Variants in ARL6IP6 observed in about 807,000 individuals in gnomAD.
ARL6IP6 encodes the protein ADP-ribosylation factor-like protein 6-interacting protein 6.
In ARL6IP6, 22 loss-of-function variants were observed where a neutral mutation model predicts 21.5. The observed-to-expected ratio is 1.02, with a 90% CI of 0.73 to 1.46. ARL6IP6 has a LOEUF of 1.46. Ranked by LOEUF, ARL6IP6 falls within the 40% of genes most tolerant of loss-of-function variation. ARL6IP6 has a pLI of 0.00. For missense variants in ARL6IP6, 388 were observed against 299.8 expected (o/e 1.29, Z -2.17); for synonymous variants, 164 against 125.3 (o/e 1.31, Z -2.06).
chr2:152,731,319 CT>C (rs1345072552), intron 2 of ARL6IP6, among the ~76,000 whole-genome samples: 1 of 152,180 alleles, frequency 6.6e-6, no homozygotes, highest in Non-Finnish European at 1.5e-5. Flanking sequence ...TGAGTCTGTA[CT>C]TTAACAGTTT....
At chr2:152,750,390 C>T (rs963335071) in intron 3 of ARL6IP6, among the ~76,000 whole-genome samples, 5 of 150,604 alleles carry the variant, frequency 3.3e-5, no homozygotes, top group South Asian at 4.2e-4. Context: ...GCATGAGAAT[C>T]GTTTGAACCT....
intron 2 of ARL6IP6, among the ~76,000 whole-genome samples, chr2:152,731,792 T>A (rs186008249): frequency 0.011 from 1,700 of 152,298 alleles, 29 homozygotes; most frequent in African/African-American, 0.039. Context: ...AGAAATTTTT[T>A]AAAATATCTA....
chr2:152,740,474 G>A (rs1000583262), intron 3 of ARL6IP6, among the ~76,000 whole-genome samples: 1 of 150,538 alleles, frequency 6.6e-6, no homozygotes, highest in Admixed American at 6.6e-5. Context: ...ATCTAAAAAT[G>A]GTTTTGAAAT....
rs543739494 is a variant in ARL6IP6, at chr2:152,756,954, G to A, written c.588-2793G>A. On this transcript the variant is annotated intron_variant, in intron 3 of 3. Coordinates refer to ENST00000326446, the MANE Select transcript of ARL6IP6 (RefSeq NM_152522.7). Reference sequence around the variant, plus strand: ...TAAGTGCAGATTCCCACCACCCACCGAAGACGTGTTCATAGTACCTGTATG... The same window carrying A: ...TAAGTGCAGATTCCCACCACCCACCAAAGACGTGTTCATAGTACCTGTATG... Among the ~76,000 whole-genome samples, 10 of 152,146 alleles carry A rather than the reference G, an allele frequency of 6.6e-5. No individual in the cohort carries two copies. The South Asian group carries it at 1.5e-3, about 22-fold the overall frequency.
At chr2:152,741,982 A>AT (rs1441225687) in intron 3 of ARL6IP6, among the ~76,000 whole-genome samples, 2 of 152,280 alleles carry the variant, frequency 1.3e-5, no homozygotes, top group East Asian at 1.9e-4. Flanking sequence ...GTAAGTTTAG[A>AT]TTTTTTGGAA....
At chr2:152,736,864 T>C (rs1245691298) in intron 3 of ARL6IP6, among the ~76,000 whole-genome samples, 1 of 152,220 alleles carries the variant, frequency 6.6e-6, no homozygotes, top group Non-Finnish European at 1.5e-5. Context: ...AGGATGTGCA[T>C]ACGTTATAGG....
At chr2:152,738,653 C>CA (rs1240169508) in intron 3 of ARL6IP6, among the ~76,000 whole-genome samples, 3 of 152,166 alleles carry the variant, frequency 2.0e-5, no homozygotes, top group African/African-American at 7.2e-5. Flanking sequence ...ACGCCTGGGA[C>CA]ACAGGGTACC....
chr2:152,753,158 G>A (rs562475135), intron 3 of ARL6IP6, among the ~76,000 whole-genome samples: 1 of 152,188 alleles, frequency 6.6e-6, no homozygotes, highest in South Asian at 2.1e-4. Flanking sequence ...ATAAAAGCAG[G>A]AGACTGAAAG....
chr2:152,732,205 A>G (rs1574031583), intron 2 of ARL6IP6, among the ~76,000 whole-genome samples: 1 of 152,178 alleles, frequency 6.6e-6, no homozygotes, highest in East Asian at 1.9e-4. Context: ...AAAGACATAT[A>G]AAGTTACTGG....
chr2:152,726,312 C>T (rs185058110), intron 2 of ARL6IP6, among the ~76,000 whole-genome samples: 6 of 152,258 alleles, frequency 3.9e-5, no homozygotes, highest in African/African-American at 7.2e-5. Context: ...TGCAGGTGGT[C>T]GGGCGATTGG....
chr2:152,724,384 A>G (rs895072861), intron 2 of ARL6IP6, among the ~76,000 whole-genome samples: 11 of 152,322 alleles, frequency 7.2e-5, no homozygotes, highest in Admixed American at 1.3e-4. Context: ...AGTATTCTCA[A>G]CTACACTGTA....
intron 2 of ARL6IP6, among the ~76,000 whole-genome samples, chr2:152,730,537 A>AT (rs929831617): frequency 4.9e-4 from 72 of 147,322 alleles, no homozygotes; most frequent in South Asian, 3.6e-3. Context: ...AAATCTTATA[A>AT]TTTTTTTTTT....
intron 2 of ARL6IP6, among the ~76,000 whole-genome samples, chr2:152,731,314 C>G (rs1198976278): frequency 6.6e-6 from 1 of 152,196 alleles, no homozygotes; most frequent in African/African-American, 2.4e-5. Flanking sequence ...TCTTCTGAGT[C>G]TGTACTTTAA....
chr2:152,741,377 T>G (rs1700802232), intron 3 of ARL6IP6, among the ~76,000 whole-genome samples: 1 of 151,628 alleles, frequency 6.6e-6, no homozygotes, highest in African/African-American at 2.4e-5. Context: ...TTTTGCTATC[T>G]CTGCAGACTT....
At chr2:152,723,560 T>C (rs1441533962) in intron 2 of ARL6IP6, among the ~76,000 whole-genome samples, 1 of 152,204 alleles carries the variant, frequency 6.6e-6, no homozygotes, top group Non-Finnish European at 1.5e-5. Context: ...CAGTAACTGC[T>C]CTACCATGAA....
At chr2:152,751,831 A>C (rs1317844870) in intron 3 of ARL6IP6, among the ~76,000 whole-genome samples, 1 of 152,204 alleles carries the variant, frequency 6.6e-6, no homozygotes, top group African/African-American at 2.4e-5. Flanking sequence ...GTGCTGCAGT[A>C]AACATGGGGT....
chr2:152,729,055 CA>C (rs70974883), intron 2 of ARL6IP6, among the ~76,000 whole-genome samples: 7,392 of 117,148 alleles, frequency 0.063, 562 homozygotes, highest in African/African-American at 0.2. Context: ...GATTCCTTCT[CA>C]AAAAAAAAAA....
chr2:152,753,697 C>T (rs1417888778), intron 3 of ARL6IP6, among the ~76,000 whole-genome samples: 2 of 99,106 alleles, frequency 2.0e-5, no homozygotes, highest in African/African-American at 7.1e-5. Flanking sequence ...CATTCAGGTC[C>T]TCTTTTTTTT....
chr2:152,762,140 G>C lies in ARL6IP6; in HGVS notation c.*2300G>C, dbSNP rs960978210. 8.6e-6 allele frequency among the ~76,000 whole-genome samples: 1 copy of C among 116,658 alleles called. No homozygotes were observed. The highest frequency in any genetic ancestry group is 2.1e-5 in the Non-Finnish European group (1 of 48,442). The allele number at this position is 116,658 out of a possible 152,430, so 76.5% of individuals were successfully genotyped here. A position where few individuals can be genotyped will look rare whatever the true frequency, so the allele number is the denominator to read the frequency against. ...ATCTCATTTTGCCTGGCTACAATGA[G>C]TAGAATAGAGAAATGACTTCAGTGA... On this transcript the variant is annotated 3_prime_UTR_variant, in exon 4 of 4. Transcript: ENST00000326446.
Sources: allele counts gnomAD v4.1 joint callset (sites outside exome capture counted in the v4.1 genomes callset), GRCh38; gene constraint gnomAD v4.1.1; transcripts MANE v1.5; gene names NCBI Gene and HGNC (gene_info 2026-07-23, HGNC 2026-07-21).